SNAP47: variants seen among roughly 807,000 people sequenced by gnomAD.
The protein encoded by SNAP47 is synaptosomal-associated protein 47.
SNAP47 carries 20 observed loss-of-function variants against 31.4 expected under a neutral mutation model. That is an observed-to-expected ratio of 0.64 (90% CI 0.45 to 0.93). The LOEUF (loss-of-function observed/expected upper bound fraction) is 0.93. Ranked by LOEUF, SNAP47 falls within the 40% of genes least tolerant of loss-of-function variation. The probability of loss-of-function intolerance (pLI) is 0.00; values close to 1 mark genes in which losing one functional copy is unlikely to be tolerated. For synonymous variants in SNAP47, 194 were observed against 213.4 expected (o/e 0.91, Z 0.79); for missense variants, 492 against 528.5 (o/e 0.93, Z 0.68).
chr1:227,739,912 G>A (rs1054144547), intron 1 of SNAP47, among the ~76,000 whole-genome samples: 7 of 152,218 alleles, frequency 4.6e-5, no homozygotes, highest in African/African-American at 1.7e-4. Context: ...CAACAGGCAG[G>A]GACACCGTGA....
At chr1:227,734,185 G>A, upstream of SNAP47, 3 of 836,622 alleles carry the variant, frequency 3.6e-6, no homozygotes, top group Middle Eastern at 3.7e-4. Context: ...TGAGCCAGAC[G>A]CTGCTGGCGG....
intron 4 of SNAP47, among the ~76,000 whole-genome samples, chr1:227,773,679 C>T (rs1430497538): frequency 2.0e-5 from 3 of 152,214 alleles, no homozygotes; most frequent in Non-Finnish European, 2.9e-5. Flanking sequence ...ACCTTCTCCA[C>T]GTTTAGATGT....
At chr1:227,775,944 C>T in intron 4 of SNAP47, 2 of 1,294,066 alleles carry the variant, frequency 1.5e-6, no homozygotes, top group Non-Finnish European at 2.0e-6. Context: ...AGGGAGCCGG[C>T]CAGGCCCACA....
chr1:227,744,789 C>T (rs1661849573), intron 1 of SNAP47, among the ~76,000 whole-genome samples: 2 of 152,240 alleles, frequency 1.3e-5, no homozygotes, highest in Non-Finnish European at 1.5e-5. Context: ...GTGGGTGCTC[C>T]TGGGTGCTCC....
intron 4 of SNAP47, among the ~76,000 whole-genome samples, chr1:227,767,343 C>A (rs1239820610): frequency 6.6e-6 from 1 of 152,218 alleles, no homozygotes; most frequent in Non-Finnish European, 1.5e-5. Context: ...GCCCTGGCTA[C>A]CACCTGCACC....
chr1:227,744,888 A>G (rs1019586219), intron 1 of SNAP47, among the ~76,000 whole-genome samples: 1 of 152,166 alleles, frequency 6.6e-6, no homozygotes, highest in African/African-American at 2.4e-5. Context: ...GGGCCACACA[A>G]CTGTCAGCCC....
At chr1:227,733,791 G>A, upstream of SNAP47, 1 of 1,584,450 alleles carries the variant, frequency 6.3e-7, no homozygotes, top group Non-Finnish European at 8.5e-7. Flanking sequence ...TGGTCTCAAG[G>A]GATGGCACCC....
upstream of SNAP47, chr1:227,731,515 T>A (rs1434195738): frequency 6.6e-6 from 1 of 152,066 alleles, no homozygotes; most frequent in African/African-American, 2.4e-5. Context: ...AAACTGTGGA[T>A]CCACTAGAGG....
chr1:227,780,068 T>A (rs1336793025), intron 4 of SNAP47, among the ~76,000 whole-genome samples: 2 of 152,148 alleles, frequency 1.3e-5, no homozygotes, highest in Non-Finnish European at 2.9e-5. Context: ...CCCACTCCAG[T>A]CTGCAGTTAG....
chr1:227,729,897 G>C (rs1441403545), intron 1 of SNAP47, among the ~76,000 whole-genome samples: 4 of 152,172 alleles, frequency 2.6e-5, no homozygotes, highest in African/African-American at 9.7e-5. Context: ...AGCAGGGCCT[G>C]ACTTTTCCAG....
chr1:227,735,276 A>G (rs1429801261), upstream of SNAP47: 1 of 1,606,580 alleles, frequency 6.2e-7, no homozygotes, highest in East Asian at 2.2e-5. Context: ...CGGTCCATCC[A>G]GCTCAGCACG....
At chr1:227,735,045 TC>T, upstream of SNAP47, 2 of 1,552,460 alleles carry the variant, frequency 1.3e-6, no homozygotes, top group Non-Finnish European at 1.7e-6. Flanking sequence ...AAGTCGGGCC[TC>T]CCCGCGGGCG....
rs12566716 is a variant in SNAP47 at position 227,762,614 on chromosome 1, C to T, written c.988+3129C>T. On this transcript the variant is annotated intron_variant, in intron 3 of 4. Coordinates refer to ENST00000617596, the MANE Select transcript of SNAP47 (RefSeq NM_053052.4). The surrounding 1 kb of genome is among the most constrained non-coding windows in gnomAD (Gnocchi z 4.2). ...ACGTGTGGCCACAGGGTGGCAGCCT[C>T]GCGACACCGGATGGGCGCTTGTCAG... 4.6e-3 allele frequency among the ~76,000 whole-genome samples: 696 copies of T among 152,330 alleles called. 18 individuals carry two copies. In the South Asian group the frequency reaches 0.055, roughly 12 times the overall value.
chr1:227,748,288 TG>T lies in SNAP47; in HGVS notation c.497+57del. The T allele has an allele frequency of 3.4e-6, 5 of 1,472,016 alleles. No homozygotes were observed. In the South Asian group the frequency reaches 7.1e-5, roughly 21 times the overall value. 91.2% of individuals were successfully genotyped at this position (1,472,016 alleles called of 1,614,324 possible). ...ACACACAGAGTAAGATGCACATGTG[TG>T]GAGGCTCACAGGCACTGTTCCAGGC... On this transcript the variant is annotated intron_variant, in intron 2 of 4. Coordinates refer to ENST00000617596, the MANE Select transcript of SNAP47 (RefSeq NM_053052.4).
rs1661578900 is a variant in SNAP47, at chr1:227,741,265, G to A, written c.-46+5766G>A. On this transcript the variant is annotated intron_variant, in intron 1 of 4. Transcript: ENST00000617596. This position sits in a 1 kb window ranked among gnomAD's most constrained non-coding sequence, Gnocchi z 4.2. ...TGTGTTGTCTCACCTGGAAAAAGAG[G>A]GTGCAAGGAGGAGAGGTTGTGCCCT... is the stretch of plus-strand genomic sequence containing the variant. Among the ~76,000 whole-genome samples, 1 of 152,142 alleles carries A rather than the reference G, an allele frequency of 6.6e-6. No homozygotes were observed. Among genetic ancestry groups the A allele is most frequent in the Admixed American group, 6.5e-5 (1 of 15,278 alleles).
chr1:227,751,948 G>A (rs1662399639), intron 2 of SNAP47, among the ~76,000 whole-genome samples: 1 of 151,876 alleles, frequency 6.6e-6, no homozygotes, highest in African/African-American at 2.4e-5. Flanking sequence ...GTATTTTTTA[G>A]TAGAGATGGG....
upstream of SNAP47, chr1:227,733,190 G>A: frequency 1.1e-6 from 1 of 905,616 alleles, no homozygotes; most frequent in Non-Finnish European, 1.6e-6. Flanking sequence ...TGGGTGGCGG[G>A]CTCGGACCAC....
intron 4 of SNAP47, chr1:227,770,723 G>A (rs1663748770): frequency 6.5e-6 from 1 of 154,588 alleles, no homozygotes; most frequent in Non-Finnish European, 1.5e-5. Context: ...TGTACCTAAT[G>A]AATGTAAGAT....
intron 4 of SNAP47, chr1:227,776,119 TTCCTGGC>T: frequency 8.6e-7 from 1 of 1,164,550 alleles, no homozygotes; most frequent in Non-Finnish European, 1.1e-6. Flanking sequence ...GCTGCTCCCC[TTCCTGGC>T]TCTGACGCCC....
Sources: allele counts gnomAD v4.1 joint callset (sites outside exome capture counted in the v4.1 genomes callset), GRCh38; gene constraint gnomAD v4.1.1; non-coding constraint Gnocchi (gnomAD v3.1); transcripts MANE v1.5; gene names NCBI Gene and HGNC (gene_info 2026-07-23, HGNC 2026-07-21).